Variants in CHST9 observed in about 807,000 individuals in gnomAD.
CHST9 encodes GalNAc-4-sulfotransferase 2.
CHST9 carries 41 observed loss-of-function variants against 44.4 expected under a neutral mutation model. The ratio of observed to expected loss-of-function variants is 0.92; its 90% CI spans 0.72 to 1.20. CHST9 has a LOEUF of 1.20. CHST9 is among the 50% of genes most tolerant of loss of function. The pLI, the probability that CHST9 is intolerant of heterozygous loss-of-function variation, is 0.00. For missense variants in CHST9, 504 were observed against 516.5 expected, an observed-to-expected ratio of 0.98 and a Z score of 0.23; for synonymous variants, 171 against 178.4, an observed-to-expected ratio of 0.96 and a Z score of 0.33.
intron 4 of CHST9, among the ~76,000 whole-genome samples, chr18:26,990,930 C>A (rs529976192): frequency 6.6e-6 from 1 of 152,042 alleles, no homozygotes; most frequent in Non-Finnish European, 1.5e-5. Context: ...GCCTCCCCAG[C>A]GTGGCTGGAA....
At chr18:27,055,216 T>C (rs970422992) in intron 2 of CHST9, among the ~76,000 whole-genome samples, 37 of 152,278 alleles carry the variant, frequency 2.4e-4, no homozygotes, top group African/African-American at 7.7e-4. Flanking sequence ...AAAATTACTG[T>C]GCACATGCTA....
chr18:27,155,709 A>G (rs2058694159), intron 1 of CHST9, among the ~76,000 whole-genome samples: 1 of 152,182 alleles, frequency 6.6e-6, no homozygotes, highest in African/African-American at 2.4e-5. Flanking sequence ...AGTATAGGAC[A>G]TGGTTTAGGA....
intron 1 of CHST9, among the ~76,000 whole-genome samples, chr18:27,168,072 T>C (rs1443445647): frequency 8.0e-6 from 1 of 125,248 alleles, no homozygotes. Context: ...GAAAAGATTA[T>C]ACCTATTTTT....
intron 4 of CHST9, among the ~76,000 whole-genome samples, chr18:26,964,537 A>G (rs1185589608): frequency 2.0e-5 from 3 of 152,244 alleles, no homozygotes; most frequent in African/African-American, 7.2e-5. Context: ...TCTTCAGGGC[A>G]GAGCTTCTCA....
At chr18:26,982,813 C>T (rs999476128) in intron 4 of CHST9, among the ~76,000 whole-genome samples, 1 of 152,106 alleles carries the variant, frequency 6.6e-6, no homozygotes, top group South Asian at 2.1e-4. Context: ...TTCTTTTCCA[C>T]GTGATAGTTC....
intron 3 of CHST9, among the ~76,000 whole-genome samples, chr18:27,035,939 T>C (rs150407474): frequency 6.6e-6 from 1 of 152,302 alleles, no homozygotes; most frequent in Non-Finnish European, 1.5e-5. Context: ...AGTGTGATAA[T>C]GGTGATTATT....
At chr18:27,053,218 GGAAGAAGAA>G (rs1198842599) in intron 2 of CHST9, among the ~76,000 whole-genome samples, 19 of 32,356 alleles carry the variant, frequency 5.9e-4, no homozygotes, top group African/African-American at 1.6e-3. Flanking sequence ...AGGAGGAAGA[GGAAGAAGAA>G]GAAGAAGAAG....
At chr18:26,924,470 G>A (rs1402301386) in intron 5 of CHST9, 2 of 197,184 alleles carry the variant, frequency 1.0e-5, no homozygotes, top group Non-Finnish European at 1.8e-5. Context: ...AGGAGTTGTT[G>A]GCTGGTGGAG....
chr18:26,912,660 G>A lies in CHST9; in HGVS notation c.*3599C>T, dbSNP rs56005802. ...CTTTCCTTTATGATAGATGGAAAGG[G>A]AGAGGGCTACATAATATTACCTATG... On this transcript the variant is annotated 3_prime_UTR_variant, in exon 6 of 6. Coordinates refer to ENST00000618847, the MANE Select transcript of CHST9 (RefSeq NM_031422.6). The A allele has an allele frequency of 0.21, 31,818 of 152,146 alleles. 3,628 individuals carry two copies. Among genetic ancestry groups the A allele is most frequent in the Middle Eastern group, 0.32 (95 of 294 alleles). The allele number at this position is 152,146 out of a possible 1,614,324, so 9.4% of individuals were successfully genotyped here. A position where few individuals can be genotyped will look rare whatever the true frequency, so the allele number is the denominator to read the frequency against.
chr18:26,967,519 T>C (rs1392859003), intron 4 of CHST9, among the ~76,000 whole-genome samples: 2 of 152,216 alleles, frequency 1.3e-5, no homozygotes, highest in Admixed American at 1.3e-4. Context: ...AGTCCTATAA[T>C]TTTGTGGGCA....
At chr18:26,921,053 A>G (rs2055642990) in intron 5 of CHST9, among the ~76,000 whole-genome samples, 1 of 152,210 alleles carries the variant, frequency 6.6e-6, no homozygotes, top group Non-Finnish European at 1.5e-5. Context: ...TTTGGGGACT[A>G]CTGAACTAGA....
intron 1 of CHST9, among the ~76,000 whole-genome samples, chr18:27,181,960 G>A (rs915958405): frequency 2.0e-5 from 3 of 152,128 alleles, no homozygotes; most frequent in African/African-American, 7.2e-5. Context: ...TTTGAGGCAT[G>A]AAAACTCATT....
At chr18:26,995,050 C>A (rs553460566) in intron 4 of CHST9, among the ~76,000 whole-genome samples, 1 of 152,000 alleles carries the variant, frequency 6.6e-6, no homozygotes, top group Non-Finnish European at 1.5e-5. Flanking sequence ...GGCAACCCTG[C>A]GGAGGGTCCC....
At chr18:26,934,804 C>G (rs1336196389) in intron 5 of CHST9, 1 of 152,220 alleles carries the variant, frequency 6.6e-6, no homozygotes, top group Non-Finnish European at 1.5e-5. Context: ...GTTTTTAAAG[C>G]CTTCCACGAT....
At chr18:27,093,572 G>A (rs1043647029) in intron 2 of CHST9, among the ~76,000 whole-genome samples, 3 of 152,214 alleles carry the variant, frequency 2.0e-5, no homozygotes, top group South Asian at 2.1e-4. Flanking sequence ...AGAGAATCAC[G>A]TTGTCTGCAG....
chr18:27,133,580 A>C (rs2058489904), intron 2 of CHST9, among the ~76,000 whole-genome samples: 1 of 152,220 alleles, frequency 6.6e-6, no homozygotes, highest in African/African-American at 2.4e-5. Context: ...CTGGTGACCA[A>C]AATACAAGTT....
At chr18:27,135,986 T>A (rs77985550) in intron 2 of CHST9, among the ~76,000 whole-genome samples, 2,674 of 152,194 alleles carry the variant, frequency 0.018, 64 homozygotes, top group African/African-American at 0.059. Context: ...CAAAATATAA[T>A]CCCTGGATCT....
chr18:26,956,393 T>G (rs1242385900), intron 4 of CHST9, among the ~76,000 whole-genome samples: 1 of 146,314 alleles, frequency 6.8e-6, no homozygotes, highest in Admixed American at 6.8e-5. Flanking sequence ...TCATATATAA[T>G]TATATCTATA....
chr18:27,141,998 T>C (rs2058572089), intron 2 of CHST9, among the ~76,000 whole-genome samples: 1 of 152,174 alleles, frequency 6.6e-6, no homozygotes, highest in Non-Finnish European at 1.5e-5. Context: ...CAATTGCAAA[T>C]TGAAAGACAA....
Sources: gnomAD v4.1 joint callset for allele counts (sites outside exome capture counted in the v4.1 genomes callset) on GRCh38, gnomAD v4.1.1 for gene constraint, MANE v1.5 for transcripts, NCBI Gene and HGNC (gene_info 2026-07-23, HGNC 2026-07-21) for gene names.